Variants in RNF145 observed in about 807,000 individuals in gnomAD.
RNF145 encodes the protein ring finger protein 145.
RNF145 carries 12 observed loss-of-function variants against 57.3 expected under a neutral mutation model. The observed-to-expected ratio is 0.21, with a 90% CI of 0.13 to 0.34. The LOEUF is 0.34. Ranked by LOEUF, RNF145 falls within the 10% of genes least tolerant of loss-of-function variation. The probability of loss-of-function intolerance (pLI) is 1.00; values close to 1 mark genes in which losing one functional copy is unlikely to be tolerated. For synonymous variants in RNF145, 262 were observed against 288.3 expected (o/e 0.91, Z 0.92); for missense variants, 429 against 799.0 (o/e 0.54, Z 5.58).
chr5:159,195,514 T>C (rs944845498), intron 2 of RNF145, among the ~76,000 whole-genome samples: 2 of 152,166 alleles, frequency 1.3e-5, no homozygotes, highest in East Asian at 1.9e-4. Flanking sequence ...AAGTTGGAAG[T>C]CAACGACTGC....
In RNF145 at chr5:159,169,821, T is replaced by C; in HGVS notation, c.798-2A>G. The C allele has an allele frequency of 6.3e-7, 1 of 1,590,462 alleles. No homozygotes were observed. Among genetic ancestry groups the C allele is most frequent in the Non-Finnish European group, 8.5e-7 (1 of 1,172,478 alleles). On this transcript the variant is annotated splice_acceptor_variant, in intron 6 of 10. Coordinates refer to ENST00000424310, the MANE Select transcript of RNF145 (RefSeq NM_001199383.2). LOFTEE classifies it high-confidence loss of function. ...GGAGTGCTGCAGCATTCCGCAATACTGGAAAAAAAGAGGGGGAAATTAACA... is the reference window on the plus strand; with the variant it reads ...GGAGTGCTGCAGCATTCCGCAATACCGGAAAAAAAGAGGGGGAAATTAACA...
At chr5:159,166,712 A>C (rs531104742) in intron 8 of RNF145, among the ~76,000 whole-genome samples, 1 of 152,196 alleles carries the variant, frequency 6.6e-6, no homozygotes, top group African/African-American at 2.4e-5. Context: ...ATGCCTCGCA[A>C]TATCTCCTGC....
chr5:159,158,242 T>C lies in RNF145; in HGVS notation c.*428A>G, dbSNP rs528604761. The C allele has an allele frequency of 3.8e-4, 65 of 172,714 alleles. No homozygotes were observed. Among genetic ancestry groups the C allele is most frequent in the Non-Finnish European group, 7.1e-4 (56 of 78,950 alleles). The allele number at this position is 172,714 out of a possible 1,614,324, so 10.7% of individuals were successfully genotyped here. ...TTGCTATTCAGACTTGATAATGAGA[T>C]TGATCTGTCCCATGGAGAGTGAAAG... On this transcript the variant is annotated 3_prime_UTR_variant, in exon 11 of 11. Transcript: ENST00000424310.
chr5:159,181,863 G>T, intron 4 of RNF145, 97 bp downstream of exon 4: 1 of 704,804 alleles, frequency 1.4e-6, no homozygotes, highest in Non-Finnish European at 2.5e-6. Flanking sequence ...TCACTTTTGA[G>T]AATTCCGTTT....
intron 4 of RNF145, 116 bp downstream of exon 4, chr5:159,181,844 C>G (rs1396426590): frequency 4.8e-6 from 3 of 623,054 alleles, no homozygotes; most frequent in Non-Finnish European, 8.7e-6. Context: ...TGGGAAAAGT[C>G]CCCATGAATC....
intron 1 of RNF145, chr5:159,208,228 C>T: frequency 3.6e-6 from 4 of 1,099,874 alleles, no homozygotes; most frequent in Non-Finnish European, 4.7e-6. Flanking sequence ...AGCAACCGGG[C>T]CGCCGCCGCC....
chr5:159,164,706 A>G (rs1285723113), intron 8 of RNF145, among the ~76,000 whole-genome samples: 2 of 152,174 alleles, frequency 1.3e-5, no homozygotes, highest in African/African-American at 4.8e-5. Context: ...AAAAATGACA[A>G]CCCATTTCCT....
intron 3 of RNF145, among the ~76,000 whole-genome samples, chr5:159,188,507 T>C (rs1421487022): frequency 6.6e-6 from 1 of 152,138 alleles, no homozygotes; most frequent in Non-Finnish European, 1.5e-5. Context: ...AATAGTAGTA[T>C]CAGTGTATGG....
chr5:159,171,730 A>C (rs1046977175), intron 6 of RNF145, among the ~76,000 whole-genome samples: 2 of 152,130 alleles, frequency 1.3e-5, no homozygotes, highest in Non-Finnish European at 2.9e-5. Flanking sequence ...GTAAGCTCCC[A>C]ATCTCTTTTT....
chr5:159,179,604 A>G (rs1296128909), intron 4 of RNF145, among the ~76,000 whole-genome samples: 1 of 152,160 alleles, frequency 6.6e-6, no homozygotes, highest in Non-Finnish European at 1.5e-5. Flanking sequence ...ACTGATAAGA[A>G]GAGTTTTAAG....
intron 3 of RNF145, among the ~76,000 whole-genome samples, chr5:159,183,919 C>A (rs1339313229): frequency 3.9e-5 from 6 of 152,144 alleles, no homozygotes; most frequent in African/African-American, 9.7e-5. Context: ...GACAGCTGCA[C>A]AACATTATGA....
At position 159,196,194 on chromosome 5, in the gene RNF145, A is replaced by G. The variant is rs1018026503; in HGVS notation, c.185-1370T>C. Among the ~76,000 whole-genome samples the G allele has an allele frequency of 5.9e-5, 9 of 151,594 alleles. No individual in the cohort carries two copies. The East Asian group carries it at 1.7e-3, about 29-fold the overall frequency. On this transcript the variant is annotated intron_variant, in intron 2 of 10. Coordinates refer to ENST00000424310, the MANE Select transcript of RNF145 (RefSeq NM_001199383.2). ...CCCAGGATGGCTTTGAATACAGCCC[A>G]ACACAAATTCATAAACTTTCTTAAA...
At chr5:159,207,491 T>C in intron 1 of RNF145, 1 of 1,526,916 alleles carries the variant, frequency 6.5e-7, no homozygotes, top group African/African-American at 1.4e-5. Context: ...CTCCTTTCTT[T>C]CTCCCAACCA....
intron 4 of RNF145, among the ~76,000 whole-genome samples, chr5:159,179,121 T>C (rs1163099976): frequency 1.3e-5 from 2 of 152,026 alleles, no homozygotes; most frequent in East Asian, 3.8e-4. Flanking sequence ...CTCTGAAAAT[T>C]CCCTTAAGTC....
In RNF145 at chr5:159,162,929, T is replaced by C; in HGVS notation, c.1269+3A>G. 2 of 1,595,524 alleles carry C rather than the reference T, an allele frequency of 1.3e-6. No homozygotes were observed. The highest frequency in any genetic ancestry group is 1.7e-6 in the Non-Finnish European group (2 of 1,174,802). ...ATATAGAGTTAATTAATCATAGGCT[T>C]ACCTGAAGAGAGGTAAGAATGCTGC... On this transcript the variant is annotated splice_donor_region_variant and intron_variant, in intron 9 of 10. Coordinates refer to ENST00000424310, the MANE Select transcript of RNF145 (RefSeq NM_001199383.2).
At chr5:159,209,762 C>A, upstream of RNF145, 1 of 1,320,462 alleles carries the variant, frequency 7.6e-7, no homozygotes, top group Non-Finnish European at 1.1e-6. Context: ...GCAGAGACAC[C>A]TGGACGCGCA....
intron 8 of RNF145, among the ~76,000 whole-genome samples, chr5:159,164,572 T>C (rs1784333275): frequency 6.6e-6 from 1 of 152,110 alleles, no homozygotes; most frequent in Non-Finnish European, 1.5e-5. Flanking sequence ...CACACAAACA[T>C]ATACATAGAC....
At chr5:159,199,443 CAT>C (rs1263788547) in intron 2 of RNF145, among the ~76,000 whole-genome samples, 1 of 150,004 alleles carries the variant, frequency 6.7e-6, no homozygotes, top group Admixed American at 6.6e-5. Context: ...GCTCCATAAA[CAT>C]AGAAAAGTCT....
At chr5:159,194,860 TTA>T in intron 2 of RNF145, 36 bp from the exon 3 acceptor site, 1 of 1,388,608 alleles carries the variant, frequency 7.2e-7, no homozygotes, top group Middle Eastern at 2.5e-4. Context: ...CAATTTTAAT[TTA>T]GTTTCCCAAT....
Sources: gnomAD v4.1 joint callset for allele counts (sites outside exome capture counted in the v4.1 genomes callset) on GRCh38, gnomAD v4.1.1 for gene constraint, MANE v1.5 for transcripts, NCBI Gene and HGNC (gene_info 2026-07-23, HGNC 2026-07-21) for gene names.